The following TBC1D5 variants were observed in gnomAD, a reference collection of about 807,000 sequenced individuals.
TBC1D5 encodes TBC1 domain family, member 5.
TBC1D5 carries 75 observed loss-of-function variants against 100.3 expected under a neutral mutation model. The observed-to-expected ratio is 0.75, with a 90% CI of 0.62 to 0.91. The LOEUF is 0.91. TBC1D5 is among the 40% of genes least tolerant of loss of function. The pLI is 0.00. For missense variants in TBC1D5, 910 were observed against 942.4 expected (o/e 0.97, Z 0.45); for synonymous variants, 323 against 325.6 (o/e 0.99, Z 0.09).
At chr3:17,491,870 G>A (rs2095644189) in intron 3 of TBC1D5, among the ~76,000 whole-genome samples, 1 of 152,140 alleles carries the variant, frequency 6.6e-6, no homozygotes, top group Non-Finnish European at 1.5e-5. Flanking sequence ...AGAAGAAATG[G>A]TACCAGCTTC....
intron 13 of TBC1D5, among the ~76,000 whole-genome samples, chr3:17,358,845 T>C (rs1257413849): frequency 1.3e-5 from 2 of 152,092 alleles, no homozygotes; most frequent in Non-Finnish European, 2.9e-5. Flanking sequence ...TAAGAACCTT[T>C]GGAGATGGTA....
chr3:17,350,507 G>T (rs1482585755), intron 13 of TBC1D5, among the ~76,000 whole-genome samples: 1 of 152,086 alleles, frequency 6.6e-6, no homozygotes, highest in Non-Finnish European at 1.5e-5. Flanking sequence ...AGAATTGATT[G>T]AATGTGTACT....
intron 1 of TBC1D5, among the ~76,000 whole-genome samples, chr3:17,641,100 T>C (rs1289922542): frequency 1.3e-5 from 2 of 152,106 alleles, no homozygotes; most frequent in Non-Finnish European, 2.9e-5. Context: ...TATGCAGATA[T>C]GGAAAATTTT....
At chr3:17,441,726 T>C (rs1423347293) in intron 3 of TBC1D5, among the ~76,000 whole-genome samples, 1 of 152,266 alleles carries the variant, frequency 6.6e-6, no homozygotes, top group Non-Finnish European at 1.5e-5. Flanking sequence ...AGGTATGCTT[T>C]GAAATCATTT....
intron 3 of TBC1D5, among the ~76,000 whole-genome samples, chr3:17,430,974 A>G (rs1007079508): frequency 2.6e-5 from 4 of 151,988 alleles, no homozygotes; most frequent in African/African-American, 7.2e-5. Flanking sequence ...GATAAAAAAC[A>G]TATCTGTAAC....
Position 17,163,264 on chromosome 3 carries a change from CCTT to C in TBC1D5, c.2095-2011_2095-2009del, listed in dbSNP as rs1452104955. On this transcript the variant is annotated intron_variant, in intron 21 of 21. Transcript: ENST00000253692. Reference sequence around the variant, plus strand: ...CCATTTTCTTTTATTGACCCCCCCCCCTTCCTTGCCCCTTTGCATTACAGATCA... The same window carrying C: ...CCATTTTCTTTTATTGACCCCCCCCCCCTTGCCCCTTTGCATTACAGATCA... 3.9e-3 allele frequency among the ~76,000 whole-genome samples: 543 copies of C among 138,540 alleles called. 3 individuals carry two copies. Among genetic ancestry groups the C allele is most frequent in the African/African-American group, 0.013 (462 of 35,010 alleles). The allele number at this position is 138,540 out of a possible 152,430, so 90.9% of individuals were successfully genotyped here. A position where few individuals can be genotyped will look rare whatever the true frequency, so the allele number is the denominator to read the frequency against.
chr3:17,265,115 A>G (rs2078716218), intron 15 of TBC1D5, among the ~76,000 whole-genome samples: 1 of 152,210 alleles, frequency 6.6e-6, no homozygotes, highest in African/African-American at 2.4e-5. Context: ...AAGGTGTAAA[A>G]TCATACTATT....
intron 1 of TBC1D5, among the ~76,000 whole-genome samples, chr3:17,653,088 T>C (rs1031024638): frequency 6.6e-6 from 1 of 152,156 alleles, no homozygotes; most frequent in African/African-American, 2.4e-5. Context: ...ATATCTATAT[T>C]CTATTATTCC....
intron 3 of TBC1D5, among the ~76,000 whole-genome samples, chr3:17,451,719 C>G (rs1218225309): frequency 1.3e-5 from 2 of 152,066 alleles, no homozygotes; most frequent in African/African-American, 4.8e-5. Context: ...ACGTGTATAC[C>G]TATGTAACAA....
chr3:17,340,985 C>T (rs1039582584), intron 13 of TBC1D5, among the ~76,000 whole-genome samples: 3 of 152,178 alleles, frequency 2.0e-5, no homozygotes, highest in Non-Finnish European at 4.4e-5. Context: ...GAAAATGTCA[C>T]ATTAATATTT....
intron 2 of TBC1D5, among the ~76,000 whole-genome samples, chr3:17,588,654 C>T (rs1294882474): frequency 6.6e-6 from 1 of 152,122 alleles, no homozygotes; most frequent in Non-Finnish European, 1.5e-5. Context: ...TTGTGCACTC[C>T]TAGGGAGAAT....
chr3:17,693,191 A>G (rs985197794), intron 1 of TBC1D5, among the ~76,000 whole-genome samples: 4 of 152,210 alleles, frequency 2.6e-5, no homozygotes, highest in African/African-American at 9.6e-5. Flanking sequence ...TGATATCTGC[A>G]TTTCCAACTG....
intron 2 of TBC1D5, among the ~76,000 whole-genome samples, chr3:17,572,586 C>T (rs1158203189): frequency 6.6e-6 from 1 of 152,042 alleles, no homozygotes; most frequent in Admixed American, 6.6e-5. Context: ...TTCACTGATA[C>T]TCTATAATGC....
intron 8 of TBC1D5, among the ~76,000 whole-genome samples, chr3:17,397,349 A>C (rs1467200247): frequency 6.6e-6 from 1 of 152,144 alleles, no homozygotes; most frequent in Non-Finnish European, 1.5e-5. Flanking sequence ...TATACACTAT[A>C]AACAAAAGGA....
chr3:17,528,366 C>T (rs1228633510), intron 2 of TBC1D5, among the ~76,000 whole-genome samples: 2 of 152,148 alleles, frequency 1.3e-5, no homozygotes, highest in Non-Finnish European at 2.9e-5. Flanking sequence ...ATCCCTTTCA[C>T]CATGTGAGGA....
At chr3:17,648,670 A>G (rs1342979134) in intron 1 of TBC1D5, among the ~76,000 whole-genome samples, 1 of 149,536 alleles carries the variant, frequency 6.7e-6, no homozygotes, top group Non-Finnish European at 1.5e-5. Flanking sequence ...TCGCCAAAAA[A>G]CACAAACAGA....
At chr3:17,309,684 T>C (rs2083781837) in intron 13 of TBC1D5, among the ~76,000 whole-genome samples, 1 of 152,096 alleles carries the variant, frequency 6.6e-6, no homozygotes, top group African/African-American at 2.4e-5. Flanking sequence ...AAATTACAAA[T>C]GCTAATATTT....
At chr3:17,386,338 G>A (rs1038200405) in intron 8 of TBC1D5, among the ~76,000 whole-genome samples, 3 of 152,028 alleles carry the variant, frequency 2.0e-5, no homozygotes, top group African/African-American at 7.2e-5. Context: ...AATTGATTAT[G>A]AAAGAAAGTA....
At chr3:17,323,242 T>C (rs1280191758) in intron 13 of TBC1D5, among the ~76,000 whole-genome samples, 3 of 152,222 alleles carry the variant, frequency 2.0e-5, no homozygotes, top group East Asian at 1.9e-4. Flanking sequence ...TTTTTGAAGA[T>C]ATGAGATGCA....
Sources: allele counts gnomAD v4.1 joint callset (sites outside exome capture counted in the v4.1 genomes callset), GRCh38; gene constraint gnomAD v4.1.1; transcripts MANE v1.5; gene names NCBI Gene and HGNC (gene_info 2026-07-23, HGNC 2026-07-21).